ZNF236: variants seen among roughly 807,000 people sequenced by gnomAD.
The protein encoded by ZNF236 is regulated by glucose.
In ZNF236, 50 loss-of-function variants were observed where a neutral mutation model predicts 191.2. The observed-to-expected ratio is 0.26, with a 90% CI of 0.21 to 0.33. The LOEUF is 0.33. ZNF236 is among the 10% of genes least tolerant of loss of function. The probability of loss-of-function intolerance (pLI) is 1.00; values close to 1 mark genes in which losing one functional copy is unlikely to be tolerated. For synonymous variants in ZNF236, 907 were observed against 928.8 expected, an observed-to-expected ratio of 0.98 and a Z score of 0.43; for missense variants, 1,754 against 2,374.5, an observed-to-expected ratio of 0.74 and a Z score of 5.43.
At chr18:76,903,016 T>C (rs948728706) in intron 11 of ZNF236, among the ~76,000 whole-genome samples, 1 of 152,214 alleles carries the variant, frequency 6.6e-6, no homozygotes, top group Admixed American at 6.5e-5. Flanking sequence ...CCAGAAGGCT[T>C]GTGAGATGAG....
Position 76,910,758 on chromosome 18 carries a change from A to G in ZNF236, c.2752A>G (p.Ser918Gly). Residue 918 changes from serine (S) to glycine (G), a missense_variant, in exon 16 of 31, where the codon AGC becomes GGC. This residue lies in a region of ZNF236 where 641 missense variants were observed against 869.6 expected (regional missense o/e 0.74). Coordinates refer to ENST00000320610, the MANE Select transcript of ZNF236 (RefSeq NM_001306089.2). ...ACTTGAGTCTCAGGCCCTCTCCACA[A>G]GCTTCCACCAGCAGAGCTTGCTGCA... ...STLESQALST[S>G]FHQQSLLQAP... The G allele has an allele frequency of 6.2e-7, 1 of 1,614,190 alleles. No homozygotes were observed.
intron 3 of ZNF236, among the ~76,000 whole-genome samples, chr18:76,855,262 G>T (rs1319453122): frequency 6.6e-6 from 1 of 152,082 alleles, no homozygotes. Flanking sequence ...ATTAAATAAT[G>T]GTGTATTAAT....
At chr18:76,950,339 A>T (rs1968373262) in intron 27 of ZNF236, among the ~76,000 whole-genome samples, 1 of 152,210 alleles carries the variant, frequency 6.6e-6, no homozygotes, top group African/African-American at 2.4e-5. Context: ...TGTAATTTCA[A>T]CAATGTTCAC....
intron 1 of ZNF236, among the ~76,000 whole-genome samples, chr18:76,830,573 C>G (rs1975142516): frequency 6.6e-6 from 1 of 151,912 alleles, no homozygotes; most frequent in South Asian, 2.1e-4. Context: ...CCCTGGGCCA[C>G]ATTGGAAGAA....
At chr18:76,835,196 A>T (rs1163583723) in intron 1 of ZNF236, among the ~76,000 whole-genome samples, 1 of 152,150 alleles carries the variant, frequency 6.6e-6, no homozygotes, top group Non-Finnish European at 1.5e-5. Context: ...AAGTTATTGC[A>T]AAAGATGTGG....
intron 1 of ZNF236, among the ~76,000 whole-genome samples, chr18:76,841,368 G>A (rs987608661): frequency 3.3e-5 from 5 of 152,208 alleles, no homozygotes; most frequent in Non-Finnish European, 7.3e-5. Context: ...CTCCGCGCCC[G>A]GCCAGGTGAA....
chr18:76,839,129 T>C (rs1975412894), intron 1 of ZNF236, among the ~76,000 whole-genome samples: 1 of 152,258 alleles, frequency 6.6e-6, no homozygotes, highest in South Asian at 2.1e-4. Flanking sequence ...CCTTCTGTTG[T>C]TGGAGGGCAT....
chr18:76,927,660 A>C lies in ZNF236; in HGVS notation c.4414+143A>C. On this transcript the variant is annotated intron_variant, in intron 24 of 30. Coordinates refer to ENST00000320610, the MANE Select transcript of ZNF236 (RefSeq NM_001306089.2). This position sits in a 1 kb window ranked among gnomAD's most constrained non-coding sequence, Gnocchi z 5.4. ...AAATCAAATGTCCTGAGAATAAAAT[A>C]AGCTTTTCTTACAATTAATGATATG... 4 of 1,183,596 alleles carry C rather than the reference A, an allele frequency of 3.4e-6. No homozygotes were observed. Among genetic ancestry groups the C allele is most frequent in the Non-Finnish European group, 4.6e-6 (4 of 869,426 alleles). 73.3% of individuals were successfully genotyped at this position (1,183,596 alleles called of 1,614,324 possible).
intron 15 of ZNF236, among the ~76,000 whole-genome samples, chr18:76,910,426 T>C (rs1967186875): frequency 6.6e-6 from 1 of 152,186 alleles, no homozygotes; most frequent in Admixed American, 6.5e-5. Context: ...GAGTAGAAAT[T>C]GGAACTTCGT....
intron 4 of ZNF236, among the ~76,000 whole-genome samples, chr18:76,870,826 A>G (rs1976562974): frequency 1.3e-5 from 2 of 152,080 alleles, no homozygotes; most frequent in Non-Finnish European, 2.9e-5. Flanking sequence ...GGCTGGGGTG[A>G]GGAGAGCCTG....
chr18:76,947,714 G>T, intron 27 of ZNF236, 62 bp downstream of exon 27: 2 of 1,571,920 alleles, frequency 1.3e-6, no homozygotes, highest in Non-Finnish European at 8.6e-7. Context: ...AGATTCAGAA[G>T]GGATGGTGGT....
intron 1 of ZNF236, among the ~76,000 whole-genome samples, chr18:76,836,711 G>A (rs1400688437): frequency 6.6e-6 from 1 of 151,956 alleles, no homozygotes; most frequent in African/African-American, 2.4e-5. Flanking sequence ...CCGAGTGGCT[G>A]GAGCTACAGG....
chr18:76,950,932 T>G (rs767841963), intron 27 of ZNF236, among the ~76,000 whole-genome samples: 2 of 152,266 alleles, frequency 1.3e-5, no homozygotes, highest in Non-Finnish European at 1.5e-5. Context: ...CATTCATCTC[T>G]TTGTACATCT....
chr18:76,871,388 C>T (rs1200056457), intron 4 of ZNF236, among the ~76,000 whole-genome samples: 1 of 152,110 alleles, frequency 6.6e-6, no homozygotes, highest in Non-Finnish European at 1.5e-5. Context: ...AGAAATTATA[C>T]CCGTAGCATC....
intron 30 of ZNF236, among the ~76,000 whole-genome samples, chr18:76,961,440 C>A (rs1003758610): frequency 6.6e-6 from 1 of 150,994 alleles, no homozygotes; most frequent in African/African-American, 2.4e-5. Flanking sequence ...TTTCTTTATC[C>A]ACTCGTCGAT....
intron 5 of ZNF236, among the ~76,000 whole-genome samples, chr18:76,873,795 T>TGCCC (rs1191474644): frequency 1.3e-5 from 2 of 151,920 alleles, no homozygotes; most frequent in Non-Finnish European, 1.5e-5. Flanking sequence ...CCTGCCTGCC[T>TGCCC]GCCCTCCTCT....
intron 27 of ZNF236, among the ~76,000 whole-genome samples, chr18:76,948,132 A>T (rs747309499): frequency 1.5e-4 from 23 of 152,188 alleles, no homozygotes; most frequent in Non-Finnish European, 2.9e-4. Flanking sequence ...CTTAAAATAC[A>T]TGTTTTTGGG....
rs1451342252 is a variant in ZNF236, at chr18:76,956,070, C to T, written c.5000C>T (p.Ala1667Val). ...CACCAGTGCCTGGAGTGTGACCGCG[C>T]CTTCTCATCGGCGGCGGTGCTCATG... ...RAHQCLECDR[A>V]FSSAAVLMHH... is the part of the protein sequence containing the mutation. Residue 1667 changes from alanine (A) to valine (V), a missense_variant, in exon 28 of 31, where the codon GCC (alanine) becomes GTC (valine). Ala to Val is a moderately conservative substitution (Grantham distance 64). Around this residue, in one of 5 missense-constraint regions of ZNF236, gnomAD observed 606 missense variants for 761.5 expected, o/e 0.80. Transcript: ENST00000320610. The T allele has an allele frequency of 1.2e-6, 2 of 1,606,506 alleles. No individual in the cohort carries two copies.
chr18:76,837,873 T>C (rs1018908735), intron 1 of ZNF236, among the ~76,000 whole-genome samples: 7 of 152,252 alleles, frequency 4.6e-5, no homozygotes, highest in Admixed American at 1.3e-4. Context: ...CTCTCACTAG[T>C]GTCTCTGTCC....
Sources: gnomAD v4.1 joint callset for allele counts (sites outside exome capture counted in the v4.1 genomes callset) on GRCh38, gnomAD v4.1.1 for gene constraint, gnomAD v4.1.1 regional missense constraint, Gnocchi (gnomAD v3.1) non-coding constraint, MANE v1.5 for transcripts, NCBI Gene and HGNC (gene_info 2026-07-23, HGNC 2026-07-21) for gene names.